IMMP2L: variants seen among roughly 807,000 people sequenced by gnomAD.
IMMP2L encodes the protein mitochondrial inner membrane protease subunit 2.
IMMP2L carries 18 observed loss-of-function variants against 19.3 expected under a neutral mutation model. The ratio of observed to expected loss-of-function variants is 0.93; its 90% CI spans 0.64 to 1.38. The LOEUF is 1.38. IMMP2L is among the 40% of genes most tolerant of loss of function. The pLI is 0.00. For synonymous variants in IMMP2L, 76 were observed against 73.0 expected (o/e 1.04, Z -0.21); for missense variants, 233 against 218.2 (o/e 1.07, Z -0.43).
At chr7:111,013,112 C>T (rs1198851564) in intron 3 of IMMP2L, among the ~76,000 whole-genome samples, 2 of 151,734 alleles carry the variant, frequency 1.3e-5, no homozygotes, top group African/African-American at 2.4e-5. Context: ...CTTAGAAGAC[C>T]CCTAGATAAA....
intron 3 of IMMP2L, among the ~76,000 whole-genome samples, chr7:111,337,970 T>C (rs1159722669): frequency 3.3e-5 from 5 of 152,130 alleles, no homozygotes; most frequent in Admixed American, 3.3e-4. Context: ...CTGCACATAA[T>C]CCAGTTGGAG....
At chr7:111,098,275 A>G (rs1326514668) in intron 3 of IMMP2L, among the ~76,000 whole-genome samples, 1 of 151,816 alleles carries the variant, frequency 6.6e-6, no homozygotes, top group East Asian at 1.9e-4. Flanking sequence ...TTTTACACAA[A>G]CACCACAGTT....
chr7:111,512,375 A>T (rs2132577831), intron 2 of IMMP2L, among the ~76,000 whole-genome samples: 1 of 152,272 alleles, frequency 6.6e-6, no homozygotes, highest in South Asian at 2.1e-4. Flanking sequence ...GGGAGTGAGG[A>T]TTAACTTCAA....
intron 5 of IMMP2L, among the ~76,000 whole-genome samples, chr7:110,681,064 A>C (rs969931150): frequency 1.3e-4 from 20 of 151,522 alleles, no homozygotes; most frequent in African/African-American, 4.1e-4. Flanking sequence ...AAAAAAAAAA[A>C]CACAAAACAA....
At chr7:111,474,863 T>C (rs1204585906) in intron 3 of IMMP2L, among the ~76,000 whole-genome samples, 1 of 152,142 alleles carries the variant, frequency 6.6e-6, no homozygotes, top group African/African-American at 2.4e-5. Context: ...ACCCGGAATA[T>C]TTTAATGATT....
chr7:110,716,765 AG>A, intron 5 of IMMP2L, among the ~76,000 whole-genome samples: 1 of 152,292 alleles, frequency 6.6e-6, no homozygotes, highest in African/African-American at 2.4e-5. Flanking sequence ...CTCTGAAAAG[AG>A]TGAAGGGTTG....
Position 110,759,203 on chromosome 7 carries a change from G to A in IMMP2L, c.409-95482C>T, listed in dbSNP as rs561437943. On this transcript the variant is annotated intron_variant, in intron 5 of 5. Coordinates refer to ENST00000405709, the MANE Select transcript of IMMP2L (RefSeq NM_032549.4). The stretch of plus-strand genomic sequence containing the variant: ...GAAGACATTCCTGAGTCACCCCCAG[G>A]GAGAACATCTCCTTCTTGTTCCTAT... Among the ~76,000 whole-genome samples the A allele has an allele frequency of 1.0e-3, 158 of 152,100 alleles. 1 individual carries two copies. The highest frequency in any genetic ancestry group is 3.5e-3 in the African/African-American group (147 of 41,518).
intron 1 of IMMP2L, among the ~76,000 whole-genome samples, chr7:111,537,461 T>C (rs1746713707): frequency 6.6e-6 from 1 of 151,264 alleles, no homozygotes; most frequent in South Asian, 2.1e-4. Flanking sequence ...TATAGGATAA[T>C]ATCAAGCTGC....
At chr7:111,535,439 CATT>C (rs887217388) in intron 1 of IMMP2L, among the ~76,000 whole-genome samples, 1 of 152,062 alleles carries the variant, frequency 6.6e-6, no homozygotes, top group African/African-American at 2.4e-5. Context: ...AAAACAATCT[CATT>C]AATATTCTTG....
intron 5 of IMMP2L, among the ~76,000 whole-genome samples, chr7:110,827,365 C>G (rs1803591358): frequency 6.6e-6 from 1 of 152,114 alleles, no homozygotes; most frequent in Non-Finnish European, 1.5e-5. Flanking sequence ...CCAGCACTAC[C>G]ACAGAGTTCT....
chr7:110,733,458 T>G (rs563971649), intron 5 of IMMP2L, among the ~76,000 whole-genome samples: 161 of 141,234 alleles, frequency 1.1e-3, no homozygotes, highest in African/African-American at 3.6e-3. Context: ...CAAGGAGTGT[T>G]TTTTTTTTTT....
chr7:111,186,576 G>A (rs891437410), intron 3 of IMMP2L, among the ~76,000 whole-genome samples: 2 of 151,920 alleles, frequency 1.3e-5, no homozygotes, highest in Admixed American at 6.6e-5. Context: ...TTACAGGCAC[G>A]TGCCACCAAG....
At chr7:111,024,199 T>C (rs1826583218) in intron 3 of IMMP2L, among the ~76,000 whole-genome samples, 1 of 152,212 alleles carries the variant, frequency 6.6e-6, no homozygotes, top group African/African-American at 2.4e-5. Flanking sequence ...AATATAGCTT[T>C]ATTAAGCTAT....
At chr7:110,923,228 C>A (rs186856708) in intron 4 of IMMP2L, among the ~76,000 whole-genome samples, 4 of 152,242 alleles carry the variant, frequency 2.6e-5, no homozygotes, top group African/African-American at 9.6e-5. Context: ...TTATTAATGT[C>A]CTTCTTAAGA....
At chr7:111,284,328 A>G (rs1414134646) in intron 3 of IMMP2L, among the ~76,000 whole-genome samples, 1 of 152,188 alleles carries the variant, frequency 6.6e-6, no homozygotes. Flanking sequence ...CATAGCTTTT[A>G]ATGTCACTGA....
At chr7:110,741,380 G>A (rs1221237639) in intron 5 of IMMP2L, among the ~76,000 whole-genome samples, 1 of 152,224 alleles carries the variant, frequency 6.6e-6, no homozygotes, top group African/African-American at 2.4e-5. Flanking sequence ...AATTTCCAGT[G>A]TGATTGTAGC....
At chr7:110,774,162 T>C (rs1425271337) in intron 5 of IMMP2L, among the ~76,000 whole-genome samples, 1 of 152,188 alleles carries the variant, frequency 6.6e-6, no homozygotes, top group East Asian at 1.9e-4. Context: ...GTCTGCATAA[T>C]AGGCAGAAAA....
intron 3 of IMMP2L, among the ~76,000 whole-genome samples, chr7:111,215,712 T>A (rs1811857860): frequency 6.6e-6 from 1 of 152,156 alleles, no homozygotes; most frequent in Non-Finnish European, 1.5e-5. Flanking sequence ...TGGCAAAACA[T>A]TAATTTTCTC....
At chr7:110,730,022 A>T (rs912787252) in intron 5 of IMMP2L, among the ~76,000 whole-genome samples, 3 of 152,126 alleles carry the variant, frequency 2.0e-5, no homozygotes, top group Admixed American at 6.6e-5. Context: ...AGGTAAAATC[A>T]AAGAGGTTGG....
Sources: allele counts gnomAD v4.1 joint callset (sites outside exome capture counted in the v4.1 genomes callset), GRCh38; gene constraint gnomAD v4.1.1; transcripts MANE v1.5; gene names NCBI Gene and HGNC (gene_info 2026-07-23, HGNC 2026-07-21).